GDA: variants seen among roughly 807,000 people sequenced by gnomAD.
The protein encoded by GDA is guanine deaminase, also known as cytoplasmic PSD-95 interactor.
In GDA, 18 loss-of-function variants were observed where a neutral mutation model predicts 59.6. The observed-to-expected ratio is 0.30, with a 90% CI of 0.21 to 0.45. The LOEUF (loss-of-function observed/expected upper bound fraction) is 0.45. Ranked by LOEUF, GDA falls within the 20% of genes least tolerant of loss-of-function variation. GDA has a pLI of 1.00. For missense variants in GDA, 427 were observed against 552.3 expected (o/e 0.77, Z 2.27); for synonymous variants, 201 against 201.1 (o/e 1.00, Z 0.00).
In GDA at chr9:72,249,736, A is replaced by C. The variant is rs989546055; in HGVS notation, c.*1394A>C. The C allele has an allele frequency of 4.9e-6, 4 of 819,466 alleles. No individual in the cohort carries two copies. In the African/African-American group the frequency reaches 5.6e-5, roughly 11 times the overall value. The allele number at this position is 819,466 out of a possible 1,614,324, so 50.8% of individuals were successfully genotyped here. ...GCAAGGAAAAGGAATAGACTTTCTT[A>C]ATATATTATAACACTCATTCCTAGA... On this transcript the variant is annotated 3_prime_UTR_variant, in exon 14 of 14. Coordinates refer to ENST00000358399, the MANE Select transcript of GDA (RefSeq NM_004293.5).
chr9:72,146,475 G>A (rs142261227), upstream of GDA, among the ~76,000 whole-genome samples: 1,921 of 152,062 alleles, frequency 0.013, 20 homozygotes, highest in Non-Finnish European at 0.016. Context: ...AAAATTGCAG[G>A]AGGACCAGCA....
At chr9:72,152,058 C>T (rs1827281882) in intron 1 of GDA, among the ~76,000 whole-genome samples, 1 of 152,150 alleles carries the variant, frequency 6.6e-6, no homozygotes, top group East Asian at 1.9e-4. Flanking sequence ...AAGTGGCATT[C>T]CAACAAGCAT....
intron 1 of GDA, among the ~76,000 whole-genome samples, chr9:72,194,690 G>A (rs955121702): frequency 3.9e-5 from 6 of 152,080 alleles, no homozygotes; most frequent in African/African-American, 1.4e-4. Context: ...TCAGCACTAG[G>A]ACTCACACAA....
At chr9:72,175,835 C>T (rs1830485229) in intron 1 of GDA, among the ~76,000 whole-genome samples, 1 of 152,126 alleles carries the variant, frequency 6.6e-6, no homozygotes, top group African/African-American at 2.4e-5. Context: ...TGGTTTGAGT[C>T]TGCTATAAGG....
chr9:72,258,919 T>C (rs73650316), downstream of GDA, among the ~76,000 whole-genome samples: 276 of 152,314 alleles, frequency 1.8e-3, 3 homozygotes, highest in African/African-American at 6.4e-3. Flanking sequence ...CTTCTAGGCT[T>C]CTTGCAGGGC....
At chr9:72,126,597 C>T (rs1196018609) in intron 1 of GDA, among the ~76,000 whole-genome samples, 1 of 133,646 alleles carries the variant, frequency 7.5e-6, no homozygotes, top group East Asian at 2.3e-4. Context: ...GACAGGGTCT[C>T]ATTCTGTCAC....
At chr9:72,204,794 G>T (rs953828083) in intron 3 of GDA, among the ~76,000 whole-genome samples, 54 of 152,210 alleles carry the variant, frequency 3.5e-4, no homozygotes, top group African/African-American at 1.3e-3. Context: ...TCAGAGATTT[G>T]TTTAAGTATT....
intron 1 of GDA, among the ~76,000 whole-genome samples, chr9:72,175,982 T>G (rs983314771): frequency 2.0e-5 from 3 of 152,100 alleles, no homozygotes; most frequent in African/African-American, 7.2e-5. Context: ...CCCCAAAACT[T>G]AGGGGCTTGA....
At chr9:72,222,322 C>CT (rs550582667) in intron 6 of GDA, among the ~76,000 whole-genome samples, 1 of 151,962 alleles carries the variant, frequency 6.6e-6, no homozygotes, top group African/African-American at 2.4e-5. Flanking sequence ...TGATGTTGAG[C>CT]TTTTTTTTCA....
intron 11 of GDA, among the ~76,000 whole-genome samples, chr9:72,243,968 G>A (rs1280320098): frequency 6.6e-6 from 1 of 152,076 alleles, no homozygotes; most frequent in African/African-American, 2.4e-5. Flanking sequence ...GAGGTTAGGA[G>A]ATCGAGACCA....
At chr9:72,202,175 G>T (rs1253503829) in intron 2 of GDA, among the ~76,000 whole-genome samples, 1 of 152,184 alleles carries the variant, frequency 6.6e-6, no homozygotes, top group African/African-American at 2.4e-5. Context: ...GCTCAGCACG[G>T]CTCTAGAAGT....
chr9:72,123,956 G>T (rs1470603677), intron 1 of GDA, among the ~76,000 whole-genome samples: 1 of 152,208 alleles, frequency 6.6e-6, no homozygotes, highest in Non-Finnish European at 1.5e-5. Context: ...GAGGTCCAAA[G>T]ACAGTGAGAA....
chr9:72,203,633 G>A (rs1366236710), intron 3 of GDA, among the ~76,000 whole-genome samples: 1 of 152,178 alleles, frequency 6.6e-6, no homozygotes, highest in African/African-American at 2.4e-5. Flanking sequence ...ATGTCCTGGT[G>A]TTCAGCGCAC....
rs972639576 is a variant in GDA, at chr9:72,249,284, A to G, written c.*942A>G. The G allele has an allele frequency of 2.6e-5, 26 of 985,270 alleles. No individual in the cohort carries two copies. Among genetic ancestry groups the G allele is most frequent in the Non-Finnish European group, 3.1e-5 (26 of 829,894 alleles). 61.0% of individuals were successfully genotyped at this position (985,270 alleles called of 1,614,324 possible). On this transcript the variant is annotated 3_prime_UTR_variant, in exon 14 of 14. Coordinates refer to ENST00000358399, the MANE Select transcript of GDA (RefSeq NM_004293.5). ...TACTAACAGGACAGGTTCCATTGCCATGGCCTATTCCACCCAAACAATATG... is the reference window on the plus strand; with the variant it reads ...TACTAACAGGACAGGTTCCATTGCCGTGGCCTATTCCACCCAAACAATATG...
chr9:72,161,440 G>GT (rs1013933519), intron 1 of GDA, among the ~76,000 whole-genome samples: 1 of 151,994 alleles, frequency 6.6e-6, no homozygotes. Flanking sequence ...AAGAACTCTG[G>GT]TTTTTTCTAA....
At chr9:72,214,764 C>A in intron 5 of GDA, 1 of 319,568 alleles carries the variant, frequency 3.1e-6, no homozygotes. Flanking sequence ...GACAGACTGT[C>A]ACTCTGTCAC....
chr9:72,162,294 G>A (rs1469262181), intron 1 of GDA, among the ~76,000 whole-genome samples: 1 of 152,178 alleles, frequency 6.6e-6, no homozygotes, highest in African/African-American at 2.4e-5. Flanking sequence ...TGCACTCGGA[G>A]TCAATAATCA....
At chr9:72,128,088 C>T (rs550339083) in intron 1 of GDA, among the ~76,000 whole-genome samples, 2 of 152,110 alleles carry the variant, frequency 1.3e-5, no homozygotes, top group Non-Finnish European at 2.9e-5. Flanking sequence ...TAGTTATCCA[C>T]GTCCTCACAG....
intron 1 of GDA, among the ~76,000 whole-genome samples, chr9:72,150,682 T>A (rs937255157): frequency 2.6e-5 from 4 of 152,252 alleles, no homozygotes; most frequent in African/African-American, 9.6e-5. Flanking sequence ...TTGAAGATAC[T>A]ATTCTTGACT....
Sources: gnomAD v4.1 joint callset for allele counts (sites outside exome capture counted in the v4.1 genomes callset) on GRCh38, gnomAD v4.1.1 for gene constraint, MANE v1.5 for transcripts, NCBI Gene and HGNC (gene_info 2026-07-23, HGNC 2026-07-21) for gene names.